KATNA1: variants seen among roughly 807,000 people sequenced by gnomAD.
The protein encoded by KATNA1 is katanin p60 ATPase-containing subunit A1.
In KATNA1, 42 loss-of-function variants were observed where a neutral mutation model predicts 62.6. The observed-to-expected ratio is 0.67, with a 90% CI of 0.52 to 0.87. The LOEUF (loss-of-function observed/expected upper bound fraction) is 0.87. Among genes scored for constraint, KATNA1 ranks in the 40% least tolerant of loss-of-function variants. The pLI, the probability that KATNA1 is intolerant of heterozygous loss-of-function variation, is 0.00. For synonymous variants in KATNA1, 186 were observed against 201.9 expected, an observed-to-expected ratio of 0.92 and a Z score of 0.67; for missense variants, 498 against 612.5, an observed-to-expected ratio of 0.81 and a Z score of 1.97.
chr6:149,601,636 G>A lies in KATNA1; in HGVS notation c.846C>T (p.Tyr282=). ...NVSSSTLTSK[Y]RGESEKLVRL... ...GAACAAGCTTCTCAGATTCTCCTCT[G>A]TATTTGGAAGTCAAAGTTGATGAAG... Residue 282 remains tyrosine (Y), a synonymous_variant, in exon 7 of 11, where the codon TAC becomes TAT. Coordinates refer to ENST00000367411, the MANE Select transcript of KATNA1 (RefSeq NM_007044.4). The A allele has an allele frequency of 6.2e-7, 1 of 1,612,402 alleles. No homozygotes were observed. Among genetic ancestry groups the A allele is most frequent in the South Asian group, 1.1e-5 (1 of 90,738 alleles).
chr6:149,615,850 A>G (rs1283514139), intron 4 of KATNA1, among the ~76,000 whole-genome samples: 1 of 152,188 alleles, frequency 6.6e-6, no homozygotes, highest in Non-Finnish European at 1.5e-5. Flanking sequence ...AACCAATTAT[A>G]TGTTGTCTAC....
chr6:149,648,239 G>A (rs980153313), intron 1 of KATNA1, among the ~76,000 whole-genome samples: 3 of 152,130 alleles, frequency 2.0e-5, no homozygotes, highest in Admixed American at 2.0e-4. Flanking sequence ...AGATGGGATC[G>A]ACAGGAGCCC....
intron 4 of KATNA1, among the ~76,000 whole-genome samples, chr6:149,614,326 C>CT (rs981172985): frequency 6.6e-6 from 1 of 152,196 alleles, no homozygotes; most frequent in African/African-American, 2.4e-5. Flanking sequence ...GTTGCAAGCC[C>CT]TTCCCCTTCA....
Position 149,597,509 on chromosome 6 carries a change from G to C in KATNA1, c.1148C>G (p.Ser383Ter). 3 of 1,613,750 alleles carry C rather than the reference G, an allele frequency of 1.9e-6. No individual in the cohort carries two copies. The highest frequency in any genetic ancestry group is 1.1e-5 in the South Asian group (1 of 90,944). Residue 383 changes from serine (S) to a stop codon, truncating the protein, a stop_gained and splice_region_variant, in exon 9 of 11, where the codon TCA becomes TGA. Transcript: ENST00000367411. LOFTEE classifies it high-confidence loss of function. ...LEKRIYIPLPSAKGREELLRI... is the reference protein window; with the variant it reads ...LEKRIYIPLP ...TGACAAGATTGAAAGGAAGATACCT[G>C]ACGGCAAAGGAATATAGATTCGTTT...
rs937456117 is a variant in KATNA1, at chr6:149,595,669, A to C, written c.1278-435T>G. On this transcript the variant is annotated intron_variant, in intron 10 of 10. Coordinates refer to ENST00000367411, the MANE Select transcript of KATNA1 (RefSeq NM_007044.4). Reference sequence around the variant, plus strand: ...CCTTTTCTCATTTGTGTTAAAAAAAAAAAACAAAACTTCAGATTCAAACAG... The same window carrying C: ...CCTTTTCTCATTTGTGTTAAAAAAACAAAACAAAACTTCAGATTCAAACAG... Among the ~76,000 whole-genome samples, 7 of 152,178 alleles carry C rather than the reference A, an allele frequency of 4.6e-5. 1 individual carries two copies. The highest frequency in any genetic ancestry group is 2.1e-4 in the South Asian group (1 of 4,836).
rs73779509 is a variant in KATNA1, at chr6:149,624,995, G to A, written c.321-1712C>T. Among the ~76,000 whole-genome samples the A allele has an allele frequency of 3.6e-3, 548 of 151,884 alleles. 3 individuals carry two copies. The highest frequency in any genetic ancestry group is 0.013 in the African/African-American group (521 of 41,408). The stretch of plus-strand genomic sequence containing the variant: ...GGGTACAATTATAGACAGAACATCA[G>A]TAAAGAAAAGCAAAGAAACAAAAAT... On this transcript the variant is annotated intron_variant, in intron 3 of 10. Transcript: ENST00000367411.
At chr6:149,632,954 T>C (rs1562298687) in intron 2 of KATNA1, 38 bp from the exon 3 acceptor site, 1 of 1,538,978 alleles carries the variant, frequency 6.5e-7, no homozygotes, top group African/African-American at 1.4e-5. Flanking sequence ...TAAATTTCTA[T>C]AATATATCAC....
chr6:149,641,625 C>CT (rs1206145063), intron 1 of KATNA1, among the ~76,000 whole-genome samples: 3 of 152,180 alleles, frequency 2.0e-5, no homozygotes, highest in Non-Finnish European at 4.4e-5. Flanking sequence ...ACCCATTTCA[C>CT]TTATGAACAT....
chr6:149,608,969 T>C (rs1444733481), intron 4 of KATNA1, among the ~76,000 whole-genome samples: 1 of 152,196 alleles, frequency 6.6e-6, no homozygotes, highest in Admixed American at 6.5e-5. Context: ...ATCTAGAGTC[T>C]CATGATATAA....
At chr6:149,641,844 A>G (rs974671547) in intron 1 of KATNA1, among the ~76,000 whole-genome samples, 1 of 152,238 alleles carries the variant, frequency 6.6e-6, no homozygotes, top group Non-Finnish European at 1.5e-5. Flanking sequence ...GCTAACAAGC[A>G]CAGACAGGAG....
chr6:149,646,220 A>G (rs1035581358), intron 1 of KATNA1, among the ~76,000 whole-genome samples: 1 of 152,228 alleles, frequency 6.6e-6, no homozygotes, highest in Middle Eastern at 3.2e-3. Context: ...TAGAAGGGAT[A>G]TCACCTTATT....
chr6:149,595,220 A>T lies in KATNA1; in HGVS notation c.1292T>A (p.Met431Lys). ...ITNVCRDASLMAMRRRIEGLT... is the reference protein window; with the variant it reads ...ITNVCRDASLKAMRRRIEGLT... ...ACCTTCAATGCGCCTTCTCATTGCC[A>T]TCAAGGACGCATCCCTAGGTTTTAA... The change falls in exon 11 of 11, where the codon ATG (methionine) becomes AAG (lysine). Residue 431 changes from methionine (M) to lysine (K), a missense_variant. Transcript: ENST00000367411. 1 of 1,613,904 alleles carries T rather than the reference A, an allele frequency of 6.2e-7. No homozygotes were observed. The highest frequency in any genetic ancestry group is 8.5e-7 in the Non-Finnish European group (1 of 1,179,802).
intron 4 of KATNA1, among the ~76,000 whole-genome samples, chr6:149,612,243 C>T (rs1018103897): frequency 5.9e-5 from 9 of 151,914 alleles, no homozygotes; most frequent in African/African-American, 2.2e-4. Flanking sequence ...CGTGGTGGCT[C>T]ACCCCTATAA....
chr6:149,626,292 C>CTTTTTTT lies in KATNA1; in HGVS notation c.321-3016_321-3010dup, dbSNP rs544379629. Reference sequence around the variant, plus strand: ...GAAACAACTATTTATATAACATTTACTTTTTTTTTTTTTTTTTTTTGAGAC... The same window carrying CTTTTTTT: ...GAAACAACTATTTATATAACATTTACTTTTTTTTTTTTTTTTTTTTTTTTTTTGAGAC... On this transcript the variant is annotated intron_variant, in intron 3 of 10. Coordinates refer to ENST00000367411, the MANE Select transcript of KATNA1 (RefSeq NM_007044.4). Among the ~76,000 whole-genome samples the CTTTTTTT allele has an allele frequency of 8.6e-4, 76 of 88,714 alleles. 8 individuals are homozygous for CTTTTTTT. The highest frequency in any genetic ancestry group is 3.6e-3 in the African/African-American group (67 of 18,706). 58.2% of individuals were successfully genotyped at this position (88,714 alleles called of 152,430 possible). A position where few individuals can be genotyped will look rare whatever the true frequency, so the allele number is the denominator to read the frequency against.
rs147429157 is a variant in KATNA1 at position 149,595,229 on chromosome 6, G to A, written c.1283C>T (p.Ala428Val). Residue 428 changes from alanine (A) to valine (V), a missense_variant, in exon 11 of 11, where the codon GCG becomes GTG. Transcript: ENST00000367411. The part of the protein sequence containing the change: ...GADITNVCRD[A>V]SLMAMRRRIE... ...GCGCCTTCTCATTGCCATCAAGGAC[G>A]CATCCCTAGGTTTTAAGTTAAAAAC... 1.1e-5 allele frequency: 17 copies of A among 1,612,392 alleles called. No homozygotes were observed. The highest frequency in any genetic ancestry group is 1.3e-5 in the African/African-American group (1 of 74,984).
chr6:149,632,972 AT>A, intron 2 of KATNA1, 56 bp from the exon 3 acceptor site: 1 of 1,394,398 alleles, frequency 7.2e-7, no homozygotes, highest in Non-Finnish European at 9.7e-7. Context: ...CACTGTCAAA[AT>A]TAAATGAGGG....
chr6:149,608,191 A>G (rs867120174), intron 4 of KATNA1, among the ~76,000 whole-genome samples: 28 of 152,350 alleles, frequency 1.8e-4, no homozygotes, highest in South Asian at 2.1e-4. Flanking sequence ...AAGATGGAGC[A>G]TACTTTTCAG....
chr6:149,628,963 T>TA (rs1779730076), intron 3 of KATNA1, among the ~76,000 whole-genome samples: 2 of 151,718 alleles, frequency 1.3e-5, no homozygotes, highest in Non-Finnish European at 2.9e-5. Flanking sequence ...ATGCCACAAA[T>TA]AAAGTCAAAG....
rs148963342 is a variant in KATNA1, at chr6:149,595,054, A to C, written c.1458T>G (p.Phe486Leu). 67 of 1,613,790 alleles carry C rather than the reference A, an allele frequency of 4.2e-5. No individual in the cohort carries two copies. The highest frequency in any genetic ancestry group is 5.1e-5 in the Non-Finnish European group (60 of 1,179,892). ...ADIERYEKWI[F>L]EFGSC ...TGAGAATTTAGCATGATCCAAACTC[A>C]AATATCCATTTCTCGTATCTTTCAA... Residue 486 changes from phenylalanine to leucine, a missense_variant, in exon 11 of 11, where the codon TTT (phenylalanine) becomes TTG (leucine). By Grantham distance (22) the Phe-to-Leu change is conservative. This residue lies in a region of KATNA1 where 267 missense variants were observed against 372.6 expected (regional missense o/e 0.72). Coordinates refer to ENST00000367411, the MANE Select transcript of KATNA1 (RefSeq NM_007044.4).
Sources: gnomAD v4.1 joint callset for allele counts (sites outside exome capture counted in the v4.1 genomes callset) on GRCh38, gnomAD v4.1.1 for gene constraint, gnomAD v4.1.1 regional missense constraint, MANE v1.5 for transcripts, NCBI Gene and HGNC (gene_info 2026-07-23, HGNC 2026-07-21) for gene names.